PCSK6: variants seen among roughly 807,000 people sequenced by gnomAD.
PCSK6 encodes proprotein convertase subtilisin/kexin type 6.
In PCSK6, 85 loss-of-function variants were observed where a neutral mutation model predicts 123.3. The observed-to-expected ratio is 0.69, with a 90% CI of 0.58 to 0.83. PCSK6 has a LOEUF of 0.83. PCSK6 is among the 40% of genes least tolerant of loss of function. The pLI is 0.00. For synonymous variants in PCSK6, 508 were observed against 516.0 expected (o/e 0.98, Z 0.21); for missense variants, 1,191 against 1,282.3 (o/e 0.93, Z 1.09).
chr15:101,444,298 G>A (rs1356733897), intron 1 of PCSK6, among the ~76,000 whole-genome samples: 2 of 152,110 alleles, frequency 1.3e-5, no homozygotes, highest in Non-Finnish European at 2.9e-5. Context: ...CCCAGCCCCT[G>A]GCCTTCAAGA....
rs769775227 is a variant in PCSK6, at chr15:101,393,442, A to G, written c.997-18T>C. ...TGCCGGCCCTGGAGGGACAAGAGGA[A>G]CAAGGCTTAGCCCCGCAGCAGAACC... On this transcript the variant is annotated intron_variant, in intron 7 of 21. Coordinates refer to ENST00000611716, the MANE Select transcript of PCSK6 (RefSeq NM_002570.5). 3 of 1,595,984 alleles carry G rather than the reference A, an allele frequency of 1.9e-6. No homozygotes were observed. In the East Asian group the frequency reaches 6.7e-5, roughly 36 times the overall value.
intron 11 of PCSK6, among the ~76,000 whole-genome samples, chr15:101,372,241 C>T (rs2955961): frequency 6.6e-6 from 1 of 152,184 alleles, no homozygotes; most frequent in Non-Finnish European, 1.5e-5. Context: ...CACCACACGA[C>T]CGGTGCTTGG....
intron 1 of PCSK6, among the ~76,000 whole-genome samples, chr15:101,482,898 TCGGCTTTGATCA>T (rs1325206285): frequency 2.0e-5 from 3 of 152,162 alleles, no homozygotes; most frequent in Non-Finnish European, 4.4e-5. Flanking sequence ...GGCAGCTGGC[TCGGCTTTGATCA>T]CCACTCCCCG....
intron 1 of PCSK6, among the ~76,000 whole-genome samples, chr15:101,447,681 G>A (rs977374482): frequency 2.6e-5 from 4 of 152,240 alleles, no homozygotes; most frequent in African/African-American, 9.6e-5. Context: ...CTTTTTTTAT[G>A]TGGCATTTGC....
At chr15:101,396,606 C>T (rs1350011628) in intron 7 of PCSK6, among the ~76,000 whole-genome samples, 1 of 151,828 alleles carries the variant, frequency 6.6e-6, no homozygotes, top group Non-Finnish European at 1.5e-5. Context: ...GAGCTGGGAG[C>T]TAAGTAATGG....
At chr15:101,394,307 A>G (rs2042336991) in intron 7 of PCSK6, among the ~76,000 whole-genome samples, 1 of 152,136 alleles carries the variant, frequency 6.6e-6, no homozygotes, top group Non-Finnish European at 1.5e-5. Context: ...GAACGTACAC[A>G]TGAAAGCAAG....
chr15:101,460,746 G>A (rs563954808), intron 1 of PCSK6, among the ~76,000 whole-genome samples: 5 of 152,172 alleles, frequency 3.3e-5, no homozygotes, highest in African/African-American at 1.2e-4. Context: ...GGCAAAGAAA[G>A]ACTAAACATG....
intron 18 of PCSK6, among the ~76,000 whole-genome samples, chr15:101,319,060 G>A (rs2040057434): frequency 6.6e-6 from 1 of 152,194 alleles, no homozygotes; most frequent in Non-Finnish European, 1.5e-5. Context: ...CCACCCACGT[G>A]GATGGCTTCT....
intron 1 of PCSK6, among the ~76,000 whole-genome samples, chr15:101,481,489 T>C (rs2057882141): frequency 6.7e-6 from 1 of 149,378 alleles, no homozygotes. Flanking sequence ...AGCATGAAGA[T>C]GGGGGATGGG....
At chr15:101,469,666 G>C (rs2057556792) in intron 1 of PCSK6, among the ~76,000 whole-genome samples, 1 of 152,192 alleles carries the variant, frequency 6.6e-6, no homozygotes, top group Non-Finnish European at 1.5e-5. Flanking sequence ...AGAGCCGGGT[G>C]CCTCGCTGGG....
chr15:101,389,380 T>C (rs527622665), intron 9 of PCSK6, 84 bp downstream of exon 9: 55 of 1,050,782 alleles, frequency 5.2e-5, no homozygotes, highest in Non-Finnish European at 7.7e-5. Flanking sequence ...TCCACTTCAA[T>C]AGGGTGAAAA....
chr15:101,444,265 T>C (rs1376576198), intron 1 of PCSK6, among the ~76,000 whole-genome samples: 1 of 152,170 alleles, frequency 6.6e-6, no homozygotes, highest in Admixed American at 6.5e-5. Flanking sequence ...GAGGACCGGA[T>C]GGAACCAACA....
chr15:101,313,424 C>A lies in PCSK6; in HGVS notation c.2651G>T (p.Gly884Val), dbSNP rs2039914307. 6.2e-7 allele frequency: 1 copy of A among 1,612,480 alleles called. No homozygotes were observed. The change falls in exon 20 of 22, where the codon GGC (glycine) becomes GTC (valine). Residue 884 changes from glycine (G) to valine (V), a missense_variant. This residue lies in a region of PCSK6 where 630 missense variants were observed against 631.4 expected (regional missense o/e 1.00). Coordinates refer to ENST00000611716, the MANE Select transcript of PCSK6 (RefSeq NM_002570.5). ...GCCCGGCATCTCTTCTGGGTAGAAGCCCTCACCACAGGCTGGCACACACTT... is the reference window on the plus strand; with the variant it reads ...GCCCGGCATCTCTTCTGGGTAGAAGACCTCACCACAGGCTGGCACACACTT... ...DWKCVPACGE[G>V]FYPEEMPGLP...
intron 13 of PCSK6, among the ~76,000 whole-genome samples, chr15:101,350,605 CG>C (rs1294685558): frequency 3.3e-5 from 5 of 152,120 alleles, no homozygotes; most frequent in Admixed American, 1.3e-4. Context: ...GCAATTAGAC[CG>C]GGGGGCCTCT....
At position 101,482,580 on chromosome 15, in the gene PCSK6, G is replaced by A. The variant is rs146636310; in HGVS notation, c.297+6794C>T. The stretch of plus-strand genomic sequence containing the variant: ...CGTTCCCAGCCGGCATGCAGTTGGC[G>A]GACACTGGAGAACAGGGTCTGGACA... On this transcript the variant is annotated intron_variant, in intron 1 of 21. Transcript: ENST00000611716. Among the ~76,000 whole-genome samples, 468 of 152,234 alleles carry A rather than the reference G, an allele frequency of 3.1e-3. 2 individuals carry two copies. Among genetic ancestry groups the A allele is most frequent in the Non-Finnish European group, 3.8e-3 (261 of 68,006 alleles).
At chr15:101,404,245 T>C (rs2042701748) in intron 6 of PCSK6, among the ~76,000 whole-genome samples, 1 of 152,218 alleles carries the variant, frequency 6.6e-6, no homozygotes, top group Admixed American at 6.5e-5. Flanking sequence ...TTTCTGGGTT[T>C]GCTGGCATCT....
At chr15:101,363,723 G>A (rs976647481) in intron 13 of PCSK6, among the ~76,000 whole-genome samples, 3 of 151,730 alleles carry the variant, frequency 2.0e-5, no homozygotes, top group Admixed American at 1.3e-4. Flanking sequence ...TCCGCCTCCC[G>A]GGTTCAAGCC....
At chr15:101,323,817 G>A (rs567573155) in intron 17 of PCSK6, among the ~76,000 whole-genome samples, 6 of 152,184 alleles carry the variant, frequency 3.9e-5, no homozygotes, top group African/African-American at 1.2e-4. Flanking sequence ...CAGGGGTAAC[G>A]GCAGTGCCAT....
chr15:101,421,318 A>G (rs2056078278), intron 6 of PCSK6, among the ~76,000 whole-genome samples: 1 of 152,200 alleles, frequency 6.6e-6, no homozygotes, highest in East Asian at 1.9e-4. Context: ...GACAACATTT[A>G]TAAGGAATGT....
Sources: allele counts gnomAD v4.1 joint callset (sites outside exome capture counted in the v4.1 genomes callset), GRCh38; gene constraint gnomAD v4.1.1; regional missense constraint gnomAD v4.1.1; transcripts MANE v1.5; gene names NCBI Gene and HGNC (gene_info 2026-07-23, HGNC 2026-07-21).